AKAP6: variants seen among roughly 807,000 people sequenced by gnomAD.
The protein encoded by AKAP6 is A-kinase anchor protein 6.
A neutral mutation model predicts 188.5 loss-of-function variants in AKAP6; 58 were observed. The ratio of observed to expected loss-of-function variants is 0.31; its 90% CI spans 0.25 to 0.38. The LOEUF (loss-of-function observed/expected upper bound fraction) is 0.38. Among genes scored for constraint, AKAP6 ranks in the 10% least tolerant of loss-of-function variants. The probability of loss-of-function intolerance (pLI) is 1.00; values close to 1 mark genes in which losing one functional copy is unlikely to be tolerated. For missense variants in AKAP6, 2,710 were observed against 2,740.0 expected (o/e 0.99, Z 0.24); for synonymous variants, 989 against 998.6 (o/e 0.99, Z 0.18).
At chr14:32,744,308 T>C (rs1468949340) in intron 11 of AKAP6, among the ~76,000 whole-genome samples, 1 of 146,644 alleles carries the variant, frequency 6.8e-6, no homozygotes, top group Admixed American at 6.8e-5. Flanking sequence ...TTTTTTTAAT[T>C]ATTTTATTTT....
intron 7 of AKAP6, among the ~76,000 whole-genome samples, chr14:32,649,966 A>G (rs1888142171): frequency 6.6e-6 from 1 of 152,210 alleles, no homozygotes; most frequent in African/African-American, 2.4e-5. Flanking sequence ...TATTTTATAT[A>G]GATCACTTTT....
intron 11 of AKAP6, among the ~76,000 whole-genome samples, chr14:32,771,930 G>A (rs1346275987): frequency 6.6e-6 from 1 of 152,116 alleles, no homozygotes; most frequent in Non-Finnish European, 1.5e-5. Flanking sequence ...TGGCCGTAAT[G>A]TTATCTTGAA....
chr14:32,746,475 G>A (rs2139886397), intron 11 of AKAP6, among the ~76,000 whole-genome samples: 1 of 152,280 alleles, frequency 6.6e-6, no homozygotes, highest in Admixed American at 6.5e-5. Context: ...CTGGGAGCTA[G>A]GTCCTGGAAC....
At chr14:32,464,058 C>T (rs927015462) in intron 2 of AKAP6, among the ~76,000 whole-genome samples, 13 of 152,016 alleles carry the variant, frequency 8.6e-5, no homozygotes, top group African/African-American at 3.1e-4. Flanking sequence ...AAGTCAAATC[C>T]CTGAATAGAC....
intron 2 of AKAP6, among the ~76,000 whole-genome samples, chr14:32,449,192 G>A (rs894355960): frequency 6.6e-6 from 1 of 152,132 alleles, no homozygotes; most frequent in Non-Finnish European, 1.5e-5. Flanking sequence ...GAGAAGTAAT[G>A]CATTCACTTC....
At chr14:32,367,271 G>C (rs1470554404) in intron 1 of AKAP6, among the ~76,000 whole-genome samples, 3 of 152,068 alleles carry the variant, frequency 2.0e-5, no homozygotes, top group African/African-American at 7.2e-5. Flanking sequence ...CTTAACGCAG[G>C]GCTCAATAAT....
chr14:32,576,627 T>C (rs1242120067), intron 4 of AKAP6, among the ~76,000 whole-genome samples: 1 of 152,156 alleles, frequency 6.6e-6, no homozygotes, highest in African/African-American at 2.4e-5. Context: ...TAAATACTTA[T>C]GTAATTTTGA....
chr14:32,360,891 G>A (rs879729669), intron 1 of AKAP6, among the ~76,000 whole-genome samples: 6 of 151,666 alleles, frequency 4.0e-5, no homozygotes, highest in African/African-American at 7.3e-5. Flanking sequence ...CCATAAGCAC[G>A]TGCCACCATG....
rs201860655 is a variant in AKAP6, at chr14:32,728,358, C to CTATT, written c.3001-4093_3001-4092insTTAT. ...TATTTTCTCAGTGTATTCTATCTAT[C>CTATT]TATCTATCTATCTATCTATCTATCT... On this transcript the variant is annotated intron_variant, in intron 9 of 13. Transcript: ENST00000280979. Among the ~76,000 whole-genome samples, 12 of 147,278 alleles carry CTATT rather than the reference C, an allele frequency of 8.1e-5. No homozygotes were observed. The South Asian group carries it at 1.7e-3, about 21-fold the overall frequency.
chr14:32,356,056 TG>T (rs1163612443), intron 1 of AKAP6, among the ~76,000 whole-genome samples: 1 of 152,170 alleles, frequency 6.6e-6, no homozygotes, highest in Non-Finnish European at 1.5e-5. Context: ...GGATTACAGG[TG>T]GGAGCCACCA....
intron 12 of AKAP6, among the ~76,000 whole-genome samples, chr14:32,808,962 A>T (rs190785072): frequency 4.4e-4 from 67 of 152,292 alleles, no homozygotes; most frequent in African/African-American, 1.4e-3. Context: ...GGAAGTTTTG[A>T]AAGGAAACGC....
intron 12 of AKAP6, among the ~76,000 whole-genome samples, chr14:32,811,333 A>T (rs1165299829): frequency 6.6e-6 from 1 of 150,752 alleles, no homozygotes; most frequent in Non-Finnish European, 1.5e-5. Flanking sequence ...CCAACATTTT[A>T]TTTTTTTTCT....
At chr14:32,355,824 A>G (rs28563822) in intron 1 of AKAP6, among the ~76,000 whole-genome samples, 47,759 of 151,474 alleles carry the variant, frequency 0.32, 8,229 homozygotes, top group African/African-American at 0.46. Flanking sequence ...ACCTAGGCTG[A>G]AGTCCAGTGA....
intron 1 of AKAP6, among the ~76,000 whole-genome samples, chr14:32,366,746 G>A (rs1432910285): frequency 6.6e-6 from 1 of 151,972 alleles, no homozygotes; most frequent in Non-Finnish European, 1.5e-5. Flanking sequence ...GTGGAAAGTG[G>A]TATGGTCATC....
At chr14:32,575,960 T>G (rs1245626680) in intron 4 of AKAP6, among the ~76,000 whole-genome samples, 2 of 152,100 alleles carry the variant, frequency 1.3e-5, no homozygotes, top group Admixed American at 1.3e-4. Context: ...TACTTACCAC[T>G]CTCCACAATT....
intron 4 of AKAP6, among the ~76,000 whole-genome samples, chr14:32,572,506 G>A (rs1284174782): frequency 6.6e-6 from 1 of 152,214 alleles, no homozygotes; most frequent in African/African-American, 2.4e-5. Context: ...CCATATGACA[G>A]CCTTGCCAGA....
chr14:32,459,068 T>C (rs1456074261), intron 2 of AKAP6, among the ~76,000 whole-genome samples: 1 of 152,212 alleles, frequency 6.6e-6, no homozygotes, highest in African/African-American at 2.4e-5. Flanking sequence ...GAACTACTTA[T>C]ACATACAACA....
intron 7 of AKAP6, among the ~76,000 whole-genome samples, chr14:32,605,833 C>T (rs918886326): frequency 6.6e-6 from 1 of 152,178 alleles, no homozygotes. Context: ...TAATACATAA[C>T]TCCAGAATTC....
At chr14:32,478,725 A>G (rs540700475) in intron 2 of AKAP6, among the ~76,000 whole-genome samples, 3 of 152,248 alleles carry the variant, frequency 2.0e-5, no homozygotes, top group Non-Finnish European at 4.4e-5. Flanking sequence ...CTAAATATAA[A>G]GAAAGATGAT....
Sources: allele counts gnomAD v4.1 joint callset (sites outside exome capture counted in the v4.1 genomes callset), GRCh38; gene constraint gnomAD v4.1.1; transcripts MANE v1.5; gene names NCBI Gene and HGNC (gene_info 2026-07-23, HGNC 2026-07-21).